SYNPR: variants seen among roughly 807,000 people sequenced by gnomAD.
The protein encoded by SYNPR is synaptoporin.
In SYNPR, 23 loss-of-function variants were observed where a neutral mutation model predicts 32.9. The ratio of observed to expected loss-of-function variants is 0.70; its 90% CI spans 0.50 to 0.99. The LOEUF is 0.99. SYNPR is among the 50% of genes least tolerant of loss of function. The pLI, the probability that SYNPR is intolerant of heterozygous loss-of-function variation, is 0.00. For synonymous variants in SYNPR, 146 were observed against 135.9 expected, an observed-to-expected ratio of 1.07 and a Z score of -0.52; for missense variants, 318 against 349.3, an observed-to-expected ratio of 0.91 and a Z score of 0.71.
rs967534378 is a variant in SYNPR at position 63,300,320 on chromosome 3, A to G, written c.84+21578A>G. Among the ~76,000 whole-genome samples, 3 of 100,072 alleles carry G rather than the reference A, an allele frequency of 3.0e-5. No individual in the cohort carries two copies. The Admixed American group carries it at 3.2e-4, about 11-fold the overall frequency. The allele number at this position is 100,072 out of a possible 152,430, so 65.7% of individuals were successfully genotyped here. A position where few individuals can be genotyped will look rare whatever the true frequency, so the allele number is the denominator to read the frequency against. On this transcript the variant is annotated intron_variant, in intron 2 of 5. Transcript: ENST00000478300. ...CTGAGTTCTGAGTGTGAATTCTAGA[A>G]CATTCTTTGCTTCTATCTATCTATC...
At chr3:63,531,388 A>G (rs1702110404) in intron 3 of SYNPR, among the ~76,000 whole-genome samples, 1 of 152,098 alleles carries the variant, frequency 6.6e-6, no homozygotes, top group Admixed American at 6.5e-5. Flanking sequence ...GATTCCAGCA[A>G]TCTCTGATGT....
chr3:63,266,788 G>A (rs1245870932), intron 2 of SYNPR, among the ~76,000 whole-genome samples: 4 of 151,874 alleles, frequency 2.6e-5, no homozygotes, highest in Non-Finnish European at 5.9e-5. Flanking sequence ...CAACATGCTG[G>A]TTATATTTAT....
intron 2 of SYNPR, among the ~76,000 whole-genome samples, chr3:63,460,096 A>G: frequency 6.6e-6 from 1 of 152,116 alleles, no homozygotes; most frequent in South Asian, 2.1e-4. Context: ...CATAGCAACC[A>G]GAGAGGTCAT....
At chr3:63,217,851 G>T in the SYNPR span, among the ~76,000 whole-genome samples, 1 of 152,064 alleles carries the variant, frequency 6.6e-6, no homozygotes, top group Admixed American at 6.6e-5. Context: ...AAAGCATTTG[G>T]TAAACTATTT....
At chr3:63,531,152 A>T (rs1343913684) in intron 3 of SYNPR, among the ~76,000 whole-genome samples, 1 of 152,204 alleles carries the variant, frequency 6.6e-6, no homozygotes, top group Non-Finnish European at 1.5e-5. Context: ...GACTGTCACA[A>T]GTATCAACAG....
At chr3:63,374,943 A>G (rs1287202987) in intron 2 of SYNPR, among the ~76,000 whole-genome samples, 1 of 152,180 alleles carries the variant, frequency 6.6e-6, no homozygotes, top group East Asian at 1.9e-4. Flanking sequence ...ATTGGCCTAT[A>G]TATCTGTTTT....
At chr3:63,340,569 G>A (rs1400027123) in intron 2 of SYNPR, among the ~76,000 whole-genome samples, 1 of 151,078 alleles carries the variant, frequency 6.6e-6, no homozygotes, top group Non-Finnish European at 1.5e-5. Flanking sequence ...ACAGGCGCCC[G>A]CCACTACGCC....
At chr3:63,364,131 A>G (rs1420225868) in intron 2 of SYNPR, among the ~76,000 whole-genome samples, 1 of 152,186 alleles carries the variant, frequency 6.6e-6, no homozygotes, top group Non-Finnish European at 1.5e-5. Flanking sequence ...TGTCAAAGAG[A>G]GTGGCCACTG....
chr3:63,310,020 G>A lies in SYNPR; in HGVS notation c.84+31278G>A, dbSNP rs371965183. On this transcript the variant is annotated intron_variant, in intron 2 of 5. Transcript: ENST00000478300. ...ACCCACTCTTCAGCCCTCAGGCTGA[G>A]TAAATATTTTCTCAAGCAGATACCC... 6.6e-5 allele frequency among the ~76,000 whole-genome samples: 10 copies of A among 151,936 alleles called. 1 individual carries two copies. The highest frequency in any genetic ancestry group is 2.4e-4 in the African/African-American group (10 of 41,476).
At chr3:63,264,872 C>T (rs1029443058) in intron 2 of SYNPR, among the ~76,000 whole-genome samples, 1 of 151,708 alleles carries the variant, frequency 6.6e-6, no homozygotes. Flanking sequence ...TCAGATCTCC[C>T]GAGACTCACT....
intron 2 of SYNPR, among the ~76,000 whole-genome samples, chr3:63,256,327 G>C (rs1344087993): frequency 1.3e-5 from 2 of 152,170 alleles, no homozygotes; most frequent in Non-Finnish European, 2.9e-5. Flanking sequence ...CCCAGTAGGG[G>C]CAGACTGACA....
At chr3:63,471,884 C>T (rs1161481387) in intron 2 of SYNPR, among the ~76,000 whole-genome samples, 1 of 152,176 alleles carries the variant, frequency 6.6e-6, no homozygotes, top group Admixed American at 6.5e-5. Flanking sequence ...AGTGAGGAAC[C>T]TGGCACCCTT....
At chr3:63,592,186 TG>T (rs1054760793) in intron 4 of SYNPR, among the ~76,000 whole-genome samples, 17 of 152,210 alleles carry the variant, frequency 1.1e-4, no homozygotes, top group Admixed American at 1.1e-3. Context: ...CAGTAGAAAC[TG>T]GGAGAGGAGC....
intron 2 of SYNPR, among the ~76,000 whole-genome samples, chr3:63,336,344 TA>T (rs1200617744): frequency 2.0e-5 from 3 of 151,624 alleles, no homozygotes; most frequent in Non-Finnish European, 4.4e-5. Context: ...TACACACGAA[TA>T]AAAGGCTAAT....
chr3:63,276,472 C>CA (rs2086574634), upstream of SYNPR, among the ~76,000 whole-genome samples: 1 of 152,126 alleles, frequency 6.6e-6, no homozygotes, highest in Middle Eastern at 3.4e-3. Context: ...TGGGTTCTCA[C>CA]AAAAAACAGT....
At chr3:63,385,590 G>C (rs556856892) in intron 2 of SYNPR, among the ~76,000 whole-genome samples, 1 of 152,260 alleles carries the variant, frequency 6.6e-6, no homozygotes, top group East Asian at 1.9e-4. Context: ...CTTCCCTTTG[G>C]ACTAAAGAAA....
Position 63,524,449 on chromosome 3 carries a change from T to G in SYNPR, c.210-32094T>G, listed in dbSNP as rs189955988. 1.1e-3 allele frequency among the ~76,000 whole-genome samples: 160 copies of G among 152,278 alleles called. 2 individuals are homozygous for G. In the South Asian group the frequency reaches 0.018, roughly 18 times the overall value. ...GGAGAAAGTTTGGCAGGATCGCAGA[T>G]GGGGGTGACACAAACCATATCATCC... On this transcript the variant is annotated intron_variant, in intron 3 of 5. Transcript: ENST00000478300.
intron 2 of SYNPR, among the ~76,000 whole-genome samples, chr3:63,281,513 C>A (rs2086630161): frequency 6.6e-6 from 1 of 152,136 alleles, no homozygotes; most frequent in Non-Finnish European, 1.5e-5. Flanking sequence ...AAGGTGCCAT[C>A]AGATTCGTTG....
At chr3:63,436,097 G>C (rs1460835759) in intron 2 of SYNPR, among the ~76,000 whole-genome samples, 2 of 152,036 alleles carry the variant, frequency 1.3e-5, no homozygotes, top group Non-Finnish European at 2.9e-5. Flanking sequence ...GTGAATGAAT[G>C]GTTGCCCTTT....
Sources: allele counts gnomAD v4.1 joint callset (sites outside exome capture counted in the v4.1 genomes callset), GRCh38; gene constraint gnomAD v4.1.1; transcripts MANE v1.5; gene names NCBI Gene and HGNC (gene_info 2026-07-23, HGNC 2026-07-21).